PRKAG2: variants seen among roughly 807,000 people sequenced by gnomAD.
The protein encoded by PRKAG2 is protein kinase AMP-activated non-catalytic subunit gamma 2, also known as 5'-AMP-activated protein kinase subunit gamma-2.
PRKAG2 carries 26 observed loss-of-function variants against 69.6 expected under a neutral mutation model. The observed-to-expected ratio is 0.37, with a 90% CI of 0.27 to 0.52. The LOEUF (loss-of-function observed/expected upper bound fraction) is 0.52. PRKAG2 is among the 20% of genes least tolerant of loss of function. The pLI is 0.90. For missense variants in PRKAG2, 557 were observed against 740.0 expected (o/e 0.75, Z 2.87); for synonymous variants, 293 against 285.0 (o/e 1.03, Z -0.28).
Position 151,795,852 on chromosome 7 carries a change from T to G in PRKAG2, c.115-9311A>C, listed in dbSNP as rs866702456. ...AATTCTTTCAAACAAATCTCATATATATATATATATATATATATATATATA... is the reference window on the plus strand; with the variant it reads ...AATTCTTTCAAACAAATCTCATATAGATATATATATATATATATATATATA... On this transcript the variant is annotated intron_variant, in intron 1 of 15. Coordinates refer to ENST00000287878, the MANE Select transcript of PRKAG2 (RefSeq NM_016203.4). 9.9e-3 allele frequency among the ~76,000 whole-genome samples: 549 copies of G among 55,586 alleles called. 2 individuals are homozygous for G. The highest frequency in any genetic ancestry group is 0.043 in the African/African-American group (486 of 11,328). 36.5% of individuals were successfully genotyped at this position (55,586 alleles called of 152,430 possible).
chr7:151,782,131 A>T (rs187194388), intron 2 of PRKAG2, among the ~76,000 whole-genome samples: 23,733 of 151,848 alleles, frequency 0.16, 2,101 homozygotes, highest in Admixed American at 0.24. Flanking sequence ...AATAAAAAAA[A>T]AATTAGCTGG....
chr7:151,711,832 G>A (rs1795369194), intron 3 of PRKAG2, among the ~76,000 whole-genome samples: 1 of 152,244 alleles, frequency 6.6e-6, no homozygotes, highest in Admixed American at 6.5e-5. Flanking sequence ...TCAGATGCAA[G>A]TTCTACAATT....
At chr7:151,569,048 A>G (rs982165556) in intron 10 of PRKAG2, among the ~76,000 whole-genome samples, 2 of 152,160 alleles carry the variant, frequency 1.3e-5, no homozygotes, top group Non-Finnish European at 2.9e-5. Context: ...CAAGCTACAA[A>G]TCTCTAGAAG....
chr7:151,786,585 G>A (rs1404392451), intron 1 of PRKAG2, 44 bp from the exon 2 acceptor site: 1 of 1,523,198 alleles, frequency 6.6e-7, no homozygotes, highest in Non-Finnish European at 9.0e-7. Flanking sequence ...GTGGCCCTCG[G>A]GCCCAGGGGC....
chr7:151,614,351 CG>C lies in PRKAG2; in HGVS notation c.754+17717del, dbSNP rs1819582875. On this transcript the variant is annotated intron_variant, in intron 5 of 15. Transcript: ENST00000287878. The surrounding 1 kb of genome is among the most constrained non-coding windows in gnomAD (Gnocchi z 4.4). ...CAGGGTGGCAGGGAGGCCATGGGGT[CG>C]GTTACGTTGGGCGCTTGGCATGTGC... Among the ~76,000 whole-genome samples the C allele has an allele frequency of 6.6e-6, 1 of 152,062 alleles. No individual in the cohort carries two copies. Among genetic ancestry groups the C allele is most frequent in the Non-Finnish European group, 1.5e-5 (1 of 68,002 alleles).
chr7:151,680,440 C>T (rs984593418), intron 3 of PRKAG2, among the ~76,000 whole-genome samples: 1 of 152,114 alleles, frequency 6.6e-6, no homozygotes, highest in Non-Finnish European at 1.5e-5. Context: ...AAGCCAACTG[C>T]AGAGCCATCT....
intron 5 of PRKAG2, among the ~76,000 whole-genome samples, chr7:151,629,287 G>A (rs763820198): frequency 1.3e-5 from 2 of 152,112 alleles, no homozygotes; most frequent in Non-Finnish European, 2.9e-5. Context: ...TCTGTGAACC[G>A]GCAGCAGGAG....
At chr7:151,619,056 C>A (rs1820861442) in intron 5 of PRKAG2, among the ~76,000 whole-genome samples, 2 of 152,156 alleles carry the variant, frequency 1.3e-5, no homozygotes, top group Admixed American at 6.6e-5. Flanking sequence ...GCAGAGTTTG[C>A]CCAATTAGTT....
At chr7:151,745,052 C>G (rs2074186456) in intron 3 of PRKAG2, among the ~76,000 whole-genome samples, 1 of 152,232 alleles carries the variant, frequency 6.6e-6, no homozygotes, top group Admixed American at 6.5e-5. Flanking sequence ...GACACTGGCT[C>G]TGCTGGTTCC....
At chr7:151,783,162 C>A (rs768548186) in intron 2 of PRKAG2, among the ~76,000 whole-genome samples, 1 of 152,214 alleles carries the variant, frequency 6.6e-6, no homozygotes, top group Admixed American at 6.5e-5. Flanking sequence ...TGGCGTGGAC[C>A]CGCGCAGCAC....
At chr7:151,562,140 G>A (rs1449772234) in intron 14 of PRKAG2, among the ~76,000 whole-genome samples, 1 of 148,410 alleles carries the variant, frequency 6.7e-6, no homozygotes, top group Non-Finnish European at 1.5e-5. Flanking sequence ...AGCTACTCAG[G>A]AGGCTGAAGC....
intron 3 of PRKAG2, among the ~76,000 whole-genome samples, chr7:151,770,060 C>A (rs2075946776): frequency 6.6e-6 from 1 of 152,210 alleles, no homozygotes; most frequent in African/African-American, 2.4e-5. Context: ...CCCTCCCTTG[C>A]TAACCACCAT....
At chr7:151,675,928 C>T (rs140607162) in intron 3 of PRKAG2, among the ~76,000 whole-genome samples, 10 of 152,254 alleles carry the variant, frequency 6.6e-5, no homozygotes, top group African/African-American at 1.9e-4. Context: ...AAACCAATTT[C>T]TAGTCTCTTA....
intron 3 of PRKAG2, among the ~76,000 whole-genome samples, chr7:151,741,126 T>C (rs2073855394): frequency 1.3e-5 from 2 of 151,864 alleles, no homozygotes; most frequent in Admixed American, 1.3e-4. Flanking sequence ...GGCGGGAGGA[T>C]TGCTTGAGCC....
At chr7:151,703,270 A>G (rs1838025621) in intron 3 of PRKAG2, among the ~76,000 whole-genome samples, 1 of 152,222 alleles carries the variant, frequency 6.6e-6, no homozygotes, top group African/African-American at 2.4e-5. Context: ...CGGGTGCTCT[A>G]AGAAAGGAAA....
At chr7:151,617,893 T>C (rs1226582467) in intron 5 of PRKAG2, among the ~76,000 whole-genome samples, 1 of 152,254 alleles carries the variant, frequency 6.6e-6, no homozygotes, top group African/African-American at 2.4e-5. Context: ...TACTTTATTC[T>C]GCATTTAGAA....
At chr7:151,668,523 A>C (rs1563381660) in intron 4 of PRKAG2, among the ~76,000 whole-genome samples, 1 of 152,188 alleles carries the variant, frequency 6.6e-6, no homozygotes, top group Non-Finnish European at 1.5e-5. Context: ...AGAAGCTGCT[A>C]CCGATGGCTC....
chr7:151,588,105 TC>T (rs1470484380), intron 6 of PRKAG2, among the ~76,000 whole-genome samples: 1 of 152,126 alleles, frequency 6.6e-6, no homozygotes, highest in Admixed American at 6.6e-5. Context: ...TCCTAATGCT[TC>T]CCCCCACCAA....
At chr7:151,722,443 C>T (rs1455902191) in intron 3 of PRKAG2, among the ~76,000 whole-genome samples, 2 of 152,178 alleles carry the variant, frequency 1.3e-5, no homozygotes, top group African/African-American at 4.8e-5. Context: ...CTTTCCTCTC[C>T]TACTCTTGGC....
Sources: allele counts gnomAD v4.1 joint callset (sites outside exome capture counted in the v4.1 genomes callset), GRCh38; gene constraint gnomAD v4.1.1; non-coding constraint Gnocchi (gnomAD v3.1); transcripts MANE v1.5; gene names NCBI Gene and HGNC (gene_info 2026-07-23, HGNC 2026-07-21).